TUBB3: variants seen among roughly 807,000 people sequenced by gnomAD.
The protein encoded by TUBB3 is tubulin beta 3 class III, also known as tubulin beta-3 chain.
TUBB3 carries 17 observed loss-of-function variants against 37.8 expected under a neutral mutation model. The observed-to-expected ratio is 0.45, with a 90% CI of 0.31 to 0.67. The LOEUF (loss-of-function observed/expected upper bound fraction) is 0.67, where lower values mean the gene tolerates loss of function less well. Among genes scored for constraint, TUBB3 ranks in the 30% least tolerant of loss-of-function variants. TUBB3 has a pLI of 0.07. For missense variants in TUBB3, 262 were observed against 657.9 expected (o/e 0.40, Z 6.58); for synonymous variants, 332 against 278.9 (o/e 1.19, Z -1.90).
rs370654807 is a variant in TUBB3 at position 89,932,682 on chromosome 16, G to A, written c.166+3G>A. ...CGTCTACTACAACGAGGCCTCTTGT[G>A]AGTGCCTGCCCCAGCCTCCCTATCC... On this transcript the variant is annotated splice_donor_region_variant and intron_variant, in intron 2 of 3. Transcript: ENST00000315491. 14 of 1,611,990 alleles carry A rather than the reference G, an allele frequency of 8.7e-6. No homozygotes were observed. Among genetic ancestry groups the A allele is most frequent in the Non-Finnish European group, 1.2e-5 (14 of 1,178,344 alleles).
chr16:89,927,870 C>T (rs957843811), intron 1 of TUBB3, among the ~76,000 whole-genome samples: 2 of 152,218 alleles, frequency 1.3e-5, no homozygotes, highest in Admixed American at 1.3e-4. Context: ...ACTCTCTCCA[C>T]CCCTCCTTTA....
chr16:89,931,350 T>C (rs1303832558), intron 1 of TUBB3, among the ~76,000 whole-genome samples: 1 of 152,244 alleles, frequency 6.6e-6, no homozygotes, highest in Non-Finnish European at 1.5e-5. Flanking sequence ...GAGGCCTTCA[T>C]ACCCGTCAGC....
chr16:89,930,356 G>C (rs940218757), intron 1 of TUBB3, among the ~76,000 whole-genome samples: 1 of 151,736 alleles, frequency 6.6e-6, no homozygotes, highest in African/African-American at 2.4e-5. Context: ...ACCCGCCTCT[G>C]CCTCCCAAAG....
At chr16:89,928,717 G>C (rs1461295397) in intron 1 of TUBB3, among the ~76,000 whole-genome samples, 1 of 151,824 alleles carries the variant, frequency 6.6e-6, no homozygotes, top group Admixed American at 6.6e-5. Flanking sequence ...GTAGAGACAG[G>C]GTTTCACTGT....
In TUBB3 at chr16:89,932,753, A is replaced by G. The variant is rs2030322842; in HGVS notation, c.166+74A>G. The G allele has an allele frequency of 2.4e-6, 3 of 1,235,750 alleles. No homozygotes were observed. In the Admixed American group the frequency reaches 5.7e-5, roughly 23 times the overall value. 76.5% of individuals were successfully genotyped at this position (1,235,750 alleles called of 1,614,324 possible). ...CTCAGCGTCTGACTGACCAGGTCTC[A>G]GCACCTGGACTCACCAGCTCTCAGC... is the stretch of plus-strand genomic sequence containing the variant. On this transcript the variant is annotated intron_variant, in intron 2 of 3. Transcript: ENST00000315491.
upstream of TUBB3, chr16:89,922,117 G>C (rs2029904346): frequency 6.5e-6 from 1 of 152,744 alleles, no homozygotes; most frequent in Non-Finnish European, 1.5e-5. Flanking sequence ...GGCATCTCTT[G>C]AGAACAAAAG....
chr16:89,931,840 T>A (rs1166059240), intron 1 of TUBB3: 2 of 415,474 alleles, frequency 4.8e-6, no homozygotes, highest in Non-Finnish European at 9.9e-6. Flanking sequence ...TGCAGGCACC[T>A]GCTCTAGGGG....
At chr16:89,929,190 T>C (rs2030195030) in intron 1 of TUBB3, among the ~76,000 whole-genome samples, 1 of 151,048 alleles carries the variant, frequency 6.6e-6, no homozygotes, top group Admixed American at 6.6e-5. Flanking sequence ...CCTGAACTCC[T>C]GACTTCAAGT....
chr16:89,930,656 C>T (rs1014324231), intron 1 of TUBB3, among the ~76,000 whole-genome samples: 9 of 152,092 alleles, frequency 5.9e-5, no homozygotes, highest in African/African-American at 2.2e-4. Context: ...ACCTCAGCCT[C>T]CCAAATTGTT....
intron 1 of TUBB3, among the ~76,000 whole-genome samples, chr16:89,926,716 C>T (rs1167416969): frequency 1.3e-5 from 2 of 150,820 alleles, no homozygotes; most frequent in African/African-American, 2.4e-5. Context: ...CACAATTTTC[C>T]TTTTTTCTTA....
chr16:89,927,362 G>T (rs1487181706), intron 1 of TUBB3, among the ~76,000 whole-genome samples: 1 of 151,436 alleles, frequency 6.6e-6, no homozygotes, highest in Non-Finnish European at 1.5e-5. Flanking sequence ...TCTAGCCTGG[G>T]CAATAGAGCA....
At chr16:89,932,195 C>T in intron 1 of TUBB3, 1 of 342,406 alleles carries the variant, frequency 2.9e-6, no homozygotes, top group Non-Finnish European at 5.7e-6. Flanking sequence ...TCTCAGTTCC[C>T]TTTCCTGAAA....
At chr16:89,927,391 A>T (rs1408920988) in intron 1 of TUBB3, among the ~76,000 whole-genome samples, 2 of 152,208 alleles carry the variant, frequency 1.3e-5, no homozygotes, top group South Asian at 4.2e-4. Context: ...TCTAAAAAAA[A>T]AAAAGGAACA....
At chr16:89,933,810 C>A (rs1475022999) in intron 3 of TUBB3, 1 of 700,628 alleles carries the variant, frequency 1.4e-6, no homozygotes, top group Admixed American at 2.0e-5. Context: ...GTAAAGCAGA[C>A]AGAAGCTTAC....
At chr16:89,930,168 G>C (rs1242116193) in intron 1 of TUBB3, among the ~76,000 whole-genome samples, 1 of 150,052 alleles carries the variant, frequency 6.7e-6, no homozygotes, top group Non-Finnish European at 1.5e-5. Flanking sequence ...GCAGTGGCGC[G>C]ATCTCGACTC....
chr16:89,935,958 C>A lies in TUBB3; in HGVS notation c.*154C>A. 1.1e-6 allele frequency: 1 copy of A among 888,562 alleles called. No homozygotes were observed. The highest frequency in any genetic ancestry group is 1.7e-6 in the Non-Finnish European group (1 of 589,780). 55.0% of individuals were successfully genotyped at this position (888,562 alleles called of 1,614,324 possible). On this transcript the variant is annotated 3_prime_UTR_variant, in exon 4 of 4. Transcript: ENST00000315491. ...CTGCAGTATTTATGGCCTCGTCCTC[C>A]CCACCTAGGCCACGTGTGAGCTGCT...
Position 89,935,845 on chromosome 16 carries a change from G to C in TUBB3, c.*41G>C. On this transcript the variant is annotated 3_prime_UTR_variant, in exon 4 of 4. Coordinates refer to ENST00000315491, the MANE Select transcript of TUBB3 (RefSeq NM_006086.4). ...GAGTGAGAGGCAGGTGGCGGCCGGG[G>C]CCGAAGCCAGCAGTGTCTAAACCCC... 6.3e-7 allele frequency: 1 copy of C among 1,584,856 alleles called. No individual in the cohort carries two copies. The highest frequency in any genetic ancestry group is 8.6e-7 in the Non-Finnish European group (1 of 1,165,222).
intron 1 of TUBB3, chr16:89,932,225 A>G: frequency 2.7e-6 from 1 of 376,168 alleles, no homozygotes; most frequent in South Asian, 2.3e-5. Flanking sequence ...AGTAAAAACT[A>G]ACCCTCAAGG....
intron 3 of TUBB3, 73 bp downstream of exon 3, chr16:89,933,651 G>T: frequency 8.5e-7 from 1 of 1,181,536 alleles, no homozygotes; most frequent in Non-Finnish European, 1.3e-6. Context: ...GACGGGGACG[G>T]CTGTGAGAAA....
Sources: allele counts gnomAD v4.1 joint callset (sites outside exome capture counted in the v4.1 genomes callset), GRCh38; gene constraint gnomAD v4.1.1; transcripts MANE v1.5; gene names NCBI Gene and HGNC (gene_info 2026-07-23, HGNC 2026-07-21).